SRGAP2C: variants seen among roughly 807,000 people sequenced by gnomAD.
The protein encoded by SRGAP2C is SLIT-ROBO Rho GTPase activating protein 2C.
Under a neutral mutation model 25.1 loss-of-function variants are expected in SRGAP2C, and 15 were observed. That is an observed-to-expected ratio of 0.60 (90% CI 0.40 to 0.92). The LOEUF is 0.92. Among genes scored for constraint, SRGAP2C ranks in the 40% least tolerant of loss-of-function variants. SRGAP2C has a pLI of 0.00. For synonymous variants in SRGAP2C, 44 were observed against 96.6 expected, an observed-to-expected ratio of 0.46 and a Z score of 3.19; for missense variants, 144 against 264.4, an observed-to-expected ratio of 0.54 and a Z score of 3.16.
chr1:121,362,473 TG>T (rs1234910537), intron 4 of SRGAP2C, among the ~76,000 whole-genome samples: 1 of 151,940 alleles, frequency 6.6e-6, no homozygotes, highest in African/African-American at 2.4e-5. Context: ...GCTTAATTGC[TG>T]TTTTTTTTGG....
chr1:121,294,192 T>C, intron 3 of SRGAP2C, among the ~76,000 whole-genome samples: 1 of 144,584 alleles, frequency 6.9e-6, no homozygotes, highest in South Asian at 2.3e-4. Flanking sequence ...GCCTGTACAG[T>C]TCTGACTCCA....
intron 2 of SRGAP2C, among the ~76,000 whole-genome samples, chr1:121,235,671 G>A (rs1374054971): frequency 1.2e-4 from 7 of 60,198 alleles, no homozygotes; most frequent in Admixed American, 1.6e-4. Flanking sequence ...AAATATACGG[G>A]AAAGAAATAT....
chr1:121,379,140 G>C (rs587632057), intron 7 of SRGAP2C, among the ~76,000 whole-genome samples: 1 of 152,190 alleles, frequency 6.6e-6, no homozygotes, highest in African/African-American at 2.4e-5. Context: ...CACCCAAGTC[G>C]GACATGAGGG....
chr1:121,328,470 G>C lies in SRGAP2C; in HGVS notation c.423+3830G>C, dbSNP rs1553341847. ...TATATTTTGAACCTCTATGTGCCAG[G>C]TATCATGTTAAGCACTTTATATGTA... is the stretch of plus-strand genomic sequence containing the variant. On this transcript the variant is annotated intron_variant, in intron 4 of 9. Coordinates refer to ENST00000367123, the MANE Select transcript of SRGAP2C (RefSeq NM_001329984.2). Among the ~76,000 whole-genome samples, 240 of 152,140 alleles carry C rather than the reference G, an allele frequency of 1.6e-3. 3 individuals are homozygous for C. In the East Asian group the frequency reaches 0.042, roughly 26 times the overall value.
At chr1:121,199,657 G>T (rs1654927231) in intron 2 of SRGAP2C, among the ~76,000 whole-genome samples, 1 of 81,746 alleles carries the variant, frequency 1.2e-5, no homozygotes, top group South Asian at 3.0e-4. Context: ...TGGGCATGGT[G>T]GCAGGTGCCT....
At chr1:121,286,837 C>T (rs1290797435) in intron 3 of SRGAP2C, among the ~76,000 whole-genome samples, 1 of 150,462 alleles carries the variant, frequency 6.6e-6, no homozygotes, top group Admixed American at 6.7e-5. Context: ...CCAAACAGAA[C>T]ATTCACTCCA....
rs1318348213 is a variant in SRGAP2C, at chr1:121,324,591, T to G, written c.374T>G (p.Ile125Ser). 2.7e-6 allele frequency: 4 copies of G among 1,502,806 alleles called. No homozygotes were observed. In the East Asian group the frequency reaches 6.8e-5, roughly 25 times the overall value. The allele number at this position is 1,502,806 out of a possible 1,614,324, so 93.1% of individuals were successfully genotyped here. A position where few individuals can be genotyped will look rare whatever the true frequency, so the allele number is the denominator to read the frequency against. The change falls in exon 4 of 10, where the codon ATT (isoleucine) becomes AGT (serine). Residue 125 changes from isoleucine to serine, a missense_variant. Physicochemically the swap from Ile to Ser is moderately radical, Grantham distance 142 (BLOSUM62 -2). This residue lies in a region of SRGAP2C where 26 missense variants were observed against 67.3 expected (regional missense o/e 0.39). Transcript: ENST00000367123. ...AGTGACATCTACCTGAATAATATCATTCCTCGATTTGTACAAGTCAGCGAG... is the reference window on the plus strand; with the variant it reads ...AGTGACATCTACCTGAATAATATCAGTCCTCGATTTGTACAAGTCAGCGAG... The part of the protein sequence containing the change: ...TLSDIYLNNI[I>S]PRFVQVSEDS...
chr1:121,235,022 C>A (rs1655914607), intron 2 of SRGAP2C, among the ~76,000 whole-genome samples: 1 of 147,810 alleles, frequency 6.8e-6, no homozygotes, highest in East Asian at 2.0e-4. Context: ...TCTTTTCTTT[C>A]TTTCTTTTTT....
chr1:121,190,766 AC>A (rs1654650314), intron 2 of SRGAP2C, among the ~76,000 whole-genome samples: 1 of 142,558 alleles, frequency 7.0e-6, no homozygotes, highest in Non-Finnish European at 1.5e-5. Context: ...ATTATTGGCC[AC>A]TGTGGTTCGG....
At chr1:121,204,157 C>T (rs1380468543) in intron 2 of SRGAP2C, among the ~76,000 whole-genome samples, 1 of 125,492 alleles carries the variant, frequency 8.0e-6, no homozygotes, top group Non-Finnish European at 1.6e-5. Flanking sequence ...ATCCTGTCTC[C>T]AAAAAAAAAA....
At chr1:121,237,430 C>A (rs587733637) in intron 2 of SRGAP2C, among the ~76,000 whole-genome samples, 57 of 152,212 alleles carry the variant, frequency 3.7e-4, no homozygotes, top group African/African-American at 1.3e-3. Flanking sequence ...GTAGAGTGGT[C>A]ATTCAGGACT....
chr1:121,294,781 A>T lies in SRGAP2C; in HGVS notation c.260+9786A>T, dbSNP rs1455384350. On this transcript the variant is annotated intron_variant, in intron 3 of 9. Coordinates refer to ENST00000367123, the MANE Select transcript of SRGAP2C (RefSeq NM_001329984.2). Reference sequence around the variant, plus strand: ...GAGACCTTCTGCTATTTTATAACCCACTGTCAGTATCTTTTCACCGTTTCT... The same window carrying T: ...GAGACCTTCTGCTATTTTATAACCCTCTGTCAGTATCTTTTCACCGTTTCT... Among the ~76,000 whole-genome samples, 222 of 140,190 alleles carry T rather than the reference A, an allele frequency of 1.6e-3. 1 individual carries two copies. Among genetic ancestry groups the T allele is most frequent in the Middle Eastern group, 7.2e-3 (2 of 276 alleles). 92.0% of individuals were successfully genotyped at this position (140,190 alleles called of 152,430 possible). A position where few individuals can be genotyped will look rare whatever the true frequency, so the allele number is the denominator to read the frequency against.
At chr1:121,314,417 C>T (rs1316173745) in intron 3 of SRGAP2C, among the ~76,000 whole-genome samples, 5 of 152,182 alleles carry the variant, frequency 3.3e-5, no homozygotes, top group Admixed American at 3.3e-4. Context: ...AAGCCTTCTT[C>T]TCTCAGCTCG....
intron 2 of SRGAP2C, among the ~76,000 whole-genome samples, chr1:121,274,014 A>T (rs1169515133): frequency 1.3e-5 from 2 of 151,144 alleles, no homozygotes; most frequent in Non-Finnish European, 3.0e-5. Flanking sequence ...ATCTGGGGTG[A>T]TGCATAAACT....
At chr1:121,279,367 C>T (rs1262528500) in intron 2 of SRGAP2C, among the ~76,000 whole-genome samples, 1 of 144,766 alleles carries the variant, frequency 6.9e-6, no homozygotes, top group East Asian at 2.1e-4. Context: ...AACACCCCCA[C>T]TCCCTCACCC....
At position 121,391,175 on chromosome 1, in the gene SRGAP2C, A is replaced by G. The variant is rs1660070435; in HGVS notation, c.*3320A>G. 1 of 152,120 alleles carries G rather than the reference A, an allele frequency of 6.6e-6. No homozygotes were observed. The highest frequency in any genetic ancestry group is 2.4e-5 in the African/African-American group (1 of 41,394). 9.4% of individuals were successfully genotyped at this position (152,120 alleles called of 1,614,324 possible). ...GGAGTTTGAGACCAGCCTGATCAAC[A>G]TGGAGAAACCTCGTCTCTACTAAAA... On this transcript the variant is annotated 3_prime_UTR_variant, in exon 10 of 10. Coordinates refer to ENST00000367123, the MANE Select transcript of SRGAP2C (RefSeq NM_001329984.2).
intron 3 of SRGAP2C, among the ~76,000 whole-genome samples, chr1:121,306,862 G>GA (rs1307957751): frequency 3.3e-5 from 5 of 151,950 alleles, no homozygotes; most frequent in Admixed American, 6.6e-5. Flanking sequence ...CTACAAGCTG[G>GA]AATATACTTA....
In SRGAP2C at chr1:121,206,327, C is replaced by A. The variant is rs1199940484; in HGVS notation, c.67+18814C>A. On this transcript the variant is annotated intron_variant, in intron 2 of 9. Transcript: ENST00000367123. ...ACCATGTTTGCATGTGGTAGGCACC[C>A]AATAAATGTGTGCTGAGTGAGGGAG... Among the ~76,000 whole-genome samples the A allele has an allele frequency of 2.0e-5, 3 of 152,200 alleles. No individual in the cohort carries two copies. The East Asian group carries it at 5.8e-4, about 29-fold the overall frequency.
At chr1:121,354,261 C>T (rs1303688735) in intron 4 of SRGAP2C, among the ~76,000 whole-genome samples, 13 of 29,928 alleles carry the variant, frequency 4.3e-4, no homozygotes, top group African/African-American at 1.1e-3. Context: ...CTTTCTCTCT[C>T]CTTTCTTTCT....
Sources: allele counts gnomAD v4.1 joint callset (sites outside exome capture counted in the v4.1 genomes callset), GRCh38; gene constraint gnomAD v4.1.1; regional missense constraint gnomAD v4.1.1; transcripts MANE v1.5; gene names NCBI Gene and HGNC (gene_info 2026-07-23, HGNC 2026-07-21).